The following KRIT1 variants were observed in gnomAD, a reference collection of about 807,000 sequenced individuals.
The protein encoded by KRIT1 is krev interaction trapped protein 1.
In KRIT1, 45 loss-of-function variants were observed where a neutral mutation model predicts 95.8. The observed-to-expected ratio is 0.47, with a 90% CI of 0.37 to 0.60. The LOEUF is 0.60. Among genes scored for constraint, KRIT1 ranks in the 20% least tolerant of loss-of-function variants. The probability of loss-of-function intolerance (pLI) is 0.00; values close to 1 mark genes in which losing one functional copy is unlikely to be tolerated. For missense variants in KRIT1, 788 were observed against 877.5 expected (o/e 0.90, Z 1.29); for synonymous variants, 282 against 278.8 (o/e 1.01, Z -0.11).
At chr7:92,222,799 T>C in intron 13 of KRIT1, 23 bp downstream of exon 13, 2 of 1,462,232 alleles carry the variant, frequency 1.4e-6, no homozygotes, top group South Asian at 1.1e-5. Context: ...AGGTTTACTA[T>C]AACATAATAA....
intron 14 of KRIT1, among the ~76,000 whole-genome samples, chr7:92,220,688 CTTT>C (rs960417752): frequency 8.1e-5 from 8 of 98,990 alleles, no homozygotes; most frequent in South Asian, 7.4e-4. Flanking sequence ...ATTCATCCTT[CTTT>C]TTTTTTTTTT....
intron 5 of KRIT1, 44 bp downstream of exon 5, chr7:92,240,949 C>A: frequency 2.1e-6 from 3 of 1,396,654 alleles, no homozygotes; most frequent in Non-Finnish European, 3.1e-6. Flanking sequence ...TCTTTCTCCA[C>A]AAGTATTTTA....
At chr7:92,215,180 A>G (rs1793699919) in intron 14 of KRIT1, among the ~76,000 whole-genome samples, 1 of 152,210 alleles carries the variant, frequency 6.6e-6, no homozygotes, top group Non-Finnish European at 1.5e-5. Flanking sequence ...AATTGGCAAA[A>G]TATGGCTATA....
At chr7:92,238,371 C>T (rs774813445) in intron 5 of KRIT1, among the ~76,000 whole-genome samples, 1 of 152,204 alleles carries the variant, frequency 6.6e-6, no homozygotes, top group Non-Finnish European at 1.5e-5. Flanking sequence ...TTTCCTCACA[C>T]TAAGAAACAG....
chr7:92,227,480 A>G (rs1284502742), intron 10 of KRIT1, among the ~76,000 whole-genome samples: 1 of 152,048 alleles, frequency 6.6e-6, no homozygotes, highest in Non-Finnish European at 1.5e-5. Flanking sequence ...AAAACAAGAG[A>G]TATGATTTCA....
intron 14 of KRIT1, 111 bp downstream of exon 14, chr7:92,221,791 T>A: frequency 1.2e-6 from 1 of 864,922 alleles, no homozygotes; most frequent in Non-Finnish European, 1.9e-6. Context: ...ATCACAGGGA[T>A]GTAAGGATCG....
chr7:92,225,791 T>C lies in KRIT1; in HGVS notation c.1183A>G (p.Ile395Val). The change falls in exon 12 of 19, where the codon ATT becomes GTT. Residue 395 changes from isoleucine (I) to valine (V), a missense_variant. By Grantham distance (29) the Ile-to-Val change is conservative (BLOSUM62 3). This residue lies in a region of KRIT1 where 493 missense variants were observed against 582.3 expected (regional missense o/e 0.85). Coordinates refer to ENST00000394505, the MANE Select transcript of KRIT1 (RefSeq NM_194454.3). ...TDQQGRSPLN[I>V]CEENKQNNWE... ...TTGTTTTGTTTGTTTTCTTCACAAA[T>C]ATTTAATGGAGATCTTCCTTGTTGG... The C allele has an allele frequency of 4.3e-6, 7 of 1,610,776 alleles. No homozygotes were observed. The highest frequency in any genetic ancestry group is 5.9e-6 in the Non-Finnish European group (7 of 1,177,066).
chr7:92,226,715 A>G (rs771661036), intron 10 of KRIT1, 33 bp from the exon 11 acceptor site: 3 of 1,599,816 alleles, frequency 1.9e-6, no homozygotes, highest in Non-Finnish European at 2.6e-6. Context: ...AAAAAACAAC[A>G]ACAAAAAAAA....
intron 17 of KRIT1, among the ~76,000 whole-genome samples, chr7:92,212,982 CT>C (rs1381108990): frequency 6.6e-6 from 1 of 152,164 alleles, no homozygotes; most frequent in East Asian, 1.9e-4. Flanking sequence ...ACTCTTTATT[CT>C]TTTTTATGGC....
intron 16 of KRIT1, 52 bp downstream of exon 16, chr7:92,213,840 A>G: frequency 9.6e-7 from 1 of 1,045,734 alleles, no homozygotes; most frequent in Non-Finnish European, 1.5e-6. Context: ...TAACACTAAC[A>G]AAGTTTCAAC....
chr7:92,230,642 A>G (rs1584943179), intron 10 of KRIT1, among the ~76,000 whole-genome samples: 1 of 152,224 alleles, frequency 6.6e-6, no homozygotes, highest in African/African-American at 2.4e-5. Flanking sequence ...ACTTTCAAGA[A>G]GGAAGAGAAT....
chr7:92,227,197 A>T (rs2131536084), intron 10 of KRIT1, among the ~76,000 whole-genome samples: 1 of 152,334 alleles, frequency 6.6e-6, no homozygotes, highest in Non-Finnish European at 1.5e-5. Flanking sequence ...GTGTAATTTG[A>T]GGCAAAACAT....
intron 5 of KRIT1, among the ~76,000 whole-genome samples, chr7:92,239,540 G>T (rs978254299): frequency 2.0e-5 from 3 of 152,068 alleles, no homozygotes; most frequent in Non-Finnish European, 4.4e-5. Flanking sequence ...GGCATCCAAA[G>T]AGAGTCTTCA....
chr7:92,246,061 A>C (rs1285273050), upstream of KRIT1: 1 of 278,780 alleles, frequency 3.6e-6, no homozygotes, highest in African/African-American at 2.4e-5. Flanking sequence ...CTAGGAGACT[A>C]GGGTGGTGGC....
At chr7:92,232,795 A>G (rs552683626) in intron 10 of KRIT1, among the ~76,000 whole-genome samples, 1 of 151,856 alleles carries the variant, frequency 6.6e-6, no homozygotes, top group Non-Finnish European at 1.5e-5. Context: ...GCGGGTTCAC[A>G]CCATTCTCCT....
intron 5 of KRIT1, among the ~76,000 whole-genome samples, chr7:92,239,707 CTTTTT>C (rs35969231): frequency 2.3e-5 from 3 of 132,604 alleles, no homozygotes; most frequent in Admixed American, 1.5e-4. Context: ...TATGCAGGAA[CTTTTT>C]TTTTTTTTTT....
chr7:92,220,215 T>C (rs140146521), intron 14 of KRIT1, among the ~76,000 whole-genome samples: 1 of 152,306 alleles, frequency 6.6e-6, no homozygotes, highest in Non-Finnish European at 1.5e-5. Context: ...CCTAGTTTTC[T>C]GAGAGTTTTT....
intron 14 of KRIT1, among the ~76,000 whole-genome samples, chr7:92,220,716 A>G (rs1258886401): frequency 3.4e-5 from 3 of 88,184 alleles, no homozygotes; most frequent in Non-Finnish European, 6.2e-5. Flanking sequence ...TTTTTTTGAG[A>G]TGGAATCTCA....
rs187859887 is a variant in KRIT1 at position 92,233,028 on chromosome 7, G to C, written c.989+1421C>G. On this transcript the variant is annotated intron_variant, in intron 10 of 18. Coordinates refer to ENST00000394505, the MANE Select transcript of KRIT1 (RefSeq NM_194454.3). ...TCTTTTAGTATTGTTTTTGCCGCCAGTATTTTCTGGTAATCTAAAGAAACA... is the reference window on the plus strand; with the variant it reads ...TCTTTTAGTATTGTTTTTGCCGCCACTATTTTCTGGTAATCTAAAGAAACA... Among the ~76,000 whole-genome samples, 504 of 152,194 alleles carry C rather than the reference G, an allele frequency of 3.3e-3. 1 individual carries two copies. The highest frequency in any genetic ancestry group is 5.9e-3 in the Non-Finnish European group (399 of 67,990).
Sources: gnomAD v4.1 joint callset for allele counts (sites outside exome capture counted in the v4.1 genomes callset) on GRCh38, gnomAD v4.1.1 for gene constraint, gnomAD v4.1.1 regional missense constraint, MANE v1.5 for transcripts, NCBI Gene and HGNC (gene_info 2026-07-23, HGNC 2026-07-21) for gene names.